Variants in FRMPD4 observed in about 807,000 individuals in gnomAD.
The protein encoded by FRMPD4 is FERM and PDZ domain-containing protein 4.
In FRMPD4, 22 loss-of-function variants were observed where a neutral mutation model predicts 94.1. The observed-to-expected ratio is 0.23, with a 90% CI of 0.17 to 0.33. The LOEUF (loss-of-function observed/expected upper bound fraction) is 0.33. Ranked by LOEUF, FRMPD4 falls within the 10% of genes least tolerant of loss-of-function variation. FRMPD4 has a pLI of 1.00. For synonymous variants in FRMPD4, 631 were observed against 548.6 expected (o/e 1.15, Z -2.10); for missense variants, 1,111 against 1,339.9 (o/e 0.83, Z 2.67).
intron 3 of FRMPD4, among the ~76,000 whole-genome samples, chrX:12,054,433 G>A (rs2054842052): frequency 9.0e-6 from 1 of 111,284 alleles, no homozygotes; most frequent in East Asian, 2.8e-4. Flanking sequence ...TGGTGTTTGA[G>A]TCATCATGGC....
intron 4 of FRMPD4, among the ~76,000 whole-genome samples, chrX:12,671,792 G>A (rs2059847095): frequency 9.0e-6 from 1 of 110,941 alleles, no homozygotes; most frequent in African/African-American, 3.3e-5. Flanking sequence ...GCAGGTCTTG[G>A]AGGGTGCAAT....
chrX:12,575,428 A>G (rs1490512470), intron 2 of FRMPD4, among the ~76,000 whole-genome samples: 1 of 109,467 alleles, frequency 9.1e-6, no homozygotes, highest in Non-Finnish European at 1.9e-5. Flanking sequence ...GAATCAAGCC[A>G]AGTTAGAGCT....
intron 1 of FRMPD4, among the ~76,000 whole-genome samples, chrX:12,174,828 T>C (rs1336823037): frequency 8.9e-6 from 1 of 112,363 alleles, no homozygotes; most frequent in Non-Finnish European, 1.9e-5. Flanking sequence ...TTGCCTGAAA[T>C]GGTTTAGCTC....
At chrX:11,898,482 G>A (rs2053916614) in intron 3 of FRMPD4, among the ~76,000 whole-genome samples, 1 of 111,462 alleles carries the variant, frequency 9.0e-6, no homozygotes, top group African/African-American at 3.3e-5. Context: ...CTGGACCAGT[G>A]GCAGCAGCAT....
intron 1 of FRMPD4, among the ~76,000 whole-genome samples, chrX:12,278,666 T>G (rs1158756041): frequency 8.9e-6 from 1 of 111,983 alleles, no homozygotes; most frequent in Non-Finnish European, 1.9e-5. Context: ...TTGAGGAGCC[T>G]TCATTGCAAG....
chrX:11,984,304 A>T (rs1277092022), intron 3 of FRMPD4, among the ~76,000 whole-genome samples: 1 of 112,248 alleles, frequency 8.9e-6, no homozygotes, highest in East Asian at 2.8e-4. Context: ...TGTTGCCATG[A>T]CCTTTGCTCT....
intron 1 of FRMPD4, among the ~76,000 whole-genome samples, chrX:12,331,712 T>C (rs1426217504): frequency 3.2e-5 from 2 of 61,941 alleles, no homozygotes; most frequent in Non-Finnish European, 5.2e-5. Flanking sequence ...ATATAATATA[T>C]AATTTATATA....
At chrX:11,890,216 T>C (rs898996373) in intron 3 of FRMPD4, among the ~76,000 whole-genome samples, 2 of 112,632 alleles carry the variant, frequency 1.8e-5, no homozygotes, top group Non-Finnish European at 3.7e-5. Flanking sequence ...GTGAAATAGT[T>C]TGTTTAAGGT....
chrX:11,985,896 T>A (rs948215543), intron 3 of FRMPD4, among the ~76,000 whole-genome samples: 2 of 111,746 alleles, frequency 1.8e-5, no homozygotes, highest in African/African-American at 6.5e-5. Flanking sequence ...ACCAGGTAGT[T>A]TTTTAAGGTT....
chrX:12,636,178 G>C (rs1349527658), intron 4 of FRMPD4, among the ~76,000 whole-genome samples: 1 of 111,944 alleles, frequency 8.9e-6, no homozygotes, highest in East Asian at 2.8e-4. Context: ...TATTTGAATC[G>C]AGGTCCAAAT....
At chrX:12,166,694 G>A (rs182915255) in intron 1 of FRMPD4, among the ~76,000 whole-genome samples, 15,659 of 110,036 alleles carry the variant, frequency 0.14, 961 homozygotes, top group South Asian at 0.29. Flanking sequence ...ACTTTTTTTG[G>A]TTGGTAGGCT....
chrX:12,133,488 G>C (rs2055570076), upstream of FRMPD4, among the ~76,000 whole-genome samples: 1 of 110,899 alleles, frequency 9.0e-6, no homozygotes, highest in Non-Finnish European at 1.9e-5. Context: ...GCAGTAGCAT[G>C]ATCAGAGCTC....
chrX:11,854,236 C>G (rs1324660060), intron 1 of FRMPD4, among the ~76,000 whole-genome samples: 1 of 111,284 alleles, frequency 9.0e-6, no homozygotes, highest in Middle Eastern at 4.2e-3. Context: ...ATTCATTTAT[C>G]TCTACCTGGT....
intron 1 of FRMPD4, among the ~76,000 whole-genome samples, chrX:12,189,411 T>A (rs1479513235): frequency 9.0e-6 from 1 of 111,110 alleles, no homozygotes; most frequent in Non-Finnish European, 1.9e-5. Context: ...AATACTTAAC[T>A]CATCTTATGA....
intron 1 of FRMPD4, among the ~76,000 whole-genome samples, chrX:12,359,035 G>A (rs903539442): frequency 8.9e-6 from 1 of 111,939 alleles, no homozygotes; most frequent in African/African-American, 3.2e-5. Context: ...ACAGAATGCT[G>A]GAAGCTATCA....
At chrX:12,249,016 G>C (rs187608114) in intron 1 of FRMPD4, among the ~76,000 whole-genome samples, 1,152 of 112,814 alleles carry the variant, frequency 0.01, 10 homozygotes, top group African/African-American at 0.034. Flanking sequence ...TCCAGCCTGG[G>C]CGATAGAATG....
In FRMPD4 at chrX:12,092,992, GAT is replaced by G. The variant is rs1394227916; in HGVS notation, c.95+214977_95+214978del. Among the ~76,000 whole-genome samples the G allele has an allele frequency of 2.7e-5, 3 of 111,526 alleles. No homozygotes were observed. In the Admixed American group the frequency reaches 2.9e-4, roughly 11 times the overall value. ...AAGAGGTGAGAGAGCAAGTAATCAA[GAT>G]ATCTAGGGGGAAAAGTTCTAGAAAG... On this transcript the variant is annotated intron_variant, in intron 3 of 18. Coordinates refer to the FRMPD4 transcript ENST00000640291.
At chrX:11,889,966 A>G (rs2053865387) in intron 3 of FRMPD4, among the ~76,000 whole-genome samples, 1 of 112,322 alleles carries the variant, frequency 8.9e-6, no homozygotes, top group Non-Finnish European at 1.9e-5. Context: ...TGGAAATCAC[A>G]AAGTTTTACT....
intron 1 of FRMPD4, among the ~76,000 whole-genome samples, chrX:12,308,444 A>T (rs896693059): frequency 9.0e-6 from 1 of 111,305 alleles, no homozygotes; most frequent in African/African-American, 3.3e-5. Flanking sequence ...GATCAGGAGG[A>T]TGTACTTCCC....
Sources: gnomAD v4.1 joint callset for allele counts (sites outside exome capture counted in the v4.1 genomes callset) on GRCh38, gnomAD v4.1.1 for gene constraint, MANE v1.5 for transcripts, NCBI Gene and HGNC (gene_info 2026-07-23, HGNC 2026-07-21) for gene names.